Variants in CDK12 observed in about 807,000 individuals in gnomAD.
The protein encoded by CDK12 is cyclin dependent kinase 12, also known as cyclin-dependent kinase 12.
Under a neutral mutation model 133.8 loss-of-function variants are expected in CDK12, and 17 were observed. The ratio of observed to expected loss-of-function variants is 0.13; its 90% CI spans 0.09 to 0.19. The LOEUF (loss-of-function observed/expected upper bound fraction) is 0.19, where lower values mean the gene tolerates loss of function less well. Ranked by LOEUF, CDK12 falls within the 10% of genes least tolerant of loss-of-function variation. CDK12 has a pLI of 1.00. For missense variants in CDK12, 1,508 were observed against 1,818.7 expected (o/e 0.83, Z 3.11); for synonymous variants, 694 against 683.6 (o/e 1.02, Z -0.24).
intron 1 of CDK12, among the ~76,000 whole-genome samples, chr17:39,540,088 T>C (rs932803566): frequency 4.6e-5 from 7 of 152,198 alleles, no homozygotes; most frequent in African/African-American, 1.7e-4. Flanking sequence ...TAAAATATTA[T>C]TGTTCTTGCC....
At chr17:39,563,108 C>T (rs1240641614) in intron 3 of CDK12, among the ~76,000 whole-genome samples, 1 of 152,018 alleles carries the variant, frequency 6.6e-6, no homozygotes, top group African/African-American at 2.4e-5. Context: ...GCTTGATGAA[C>T]ATTGCGGTAA....
At chr17:39,490,804 TC>T in intron 3 of CDK12, 71 bp downstream of exon 3, 1 of 1,196,110 alleles carries the variant, frequency 8.4e-7, no homozygotes, top group Non-Finnish European at 1.2e-6. Flanking sequence ...CTCTCATGTT[TC>T]TTCTATAACC....
chr17:39,487,562 T>C (rs894264932), intron 2 of CDK12, among the ~76,000 whole-genome samples: 4 of 151,946 alleles, frequency 2.6e-5, no homozygotes, highest in Non-Finnish European at 4.4e-5. Context: ...AGTTAGTCTG[T>C]TGTACTATAG....
chr17:39,469,747 C>T (rs2049640808), intron 1 of CDK12, among the ~76,000 whole-genome samples: 1 of 151,282 alleles, frequency 6.6e-6, no homozygotes, highest in Admixed American at 6.6e-5. Flanking sequence ...AAGCGATTCT[C>T]CTGCCTCAGC....
downstream of CDK12, chr17:39,564,925 G>A (rs1288873767): frequency 6.6e-6 from 1 of 152,222 alleles, no homozygotes; most frequent in Non-Finnish European, 1.5e-5. Context: ...GTAGAGAGGG[G>A]AAACAAAATA....
intron 1 of CDK12, among the ~76,000 whole-genome samples, chr17:39,466,478 G>T (rs1164157349): frequency 6.6e-6 from 1 of 151,146 alleles, no homozygotes; most frequent in East Asian, 1.9e-4. Flanking sequence ...GCTGGGCGTG[G>T]TGTCACATGC....
chr17:39,526,436 G>C (rs2146728447), intron 13 of CDK12, 120 bp downstream of exon 13: 1 of 708,998 alleles, frequency 1.4e-6, no homozygotes, highest in East Asian at 2.7e-5. Flanking sequence ...CTGTAACCTA[G>C]TCTACAGGAG....
At chr17:39,463,145 T>C (rs779215370) in intron 1 of CDK12, 28 bp downstream of exon 1, 1 of 1,585,956 alleles carries the variant, frequency 6.3e-7, no homozygotes, top group South Asian at 1.1e-5. Context: ...CAGTCCTTCC[T>C]CATTTAGGGT....
At chr17:39,510,099 G>C (rs1387433115) in intron 7 of CDK12, among the ~76,000 whole-genome samples, 3 of 150,668 alleles carry the variant, frequency 2.0e-5, no homozygotes, top group Non-Finnish European at 4.4e-5. Context: ...ACCGCACCTG[G>C]GCAACAATCT....
At position 39,471,594 on chromosome 17, in the gene CDK12, A is replaced by G. The variant is rs753540202; in HGVS notation, c.1762A>G (p.Thr588Ala). 4 of 1,613,954 alleles carry G rather than the reference A, an allele frequency of 2.5e-6. No homozygotes were observed. The highest frequency in any genetic ancestry group is 2.2e-5 in the South Asian group (2 of 91,066). Residue 588 changes from threonine to alanine, a missense_variant, in exon 2 of 14, where the codon ACT becomes GCT. By Grantham distance (58) the Thr-to-Ala change is moderately conservative. Transcript: ENST00000447079. ...CAGTACTTCAACTTTGCCCCCTTCT[A>G]CTCACTCAAAGACATCTGCTGTGTC... ...ASSTSTLPPSTHSKTSAVSSQ... is the reference protein window; with the variant it reads ...ASSTSTLPPSAHSKTSAVSSQ...
At chr17:39,530,013 C>T (rs1169853246) in intron 13 of CDK12, 1 of 152,048 alleles carries the variant, frequency 6.6e-6, no homozygotes, top group Admixed American at 6.5e-5. Context: ...TTTGGGGAGA[C>T]GTGACTAAAG....
At chr17:39,523,117 A>G (rs1324216541) in intron 11 of CDK12, among the ~76,000 whole-genome samples, 2 of 152,150 alleles carry the variant, frequency 1.3e-5, no homozygotes, top group African/African-American at 4.8e-5. Context: ...TTAAAATCTT[A>G]TGAATGCCTC....
At position 39,526,440 on chromosome 17, in the gene CDK12, A is replaced by G. The variant is rs534194103; in HGVS notation, c.3760+124A>G. 842 of 696,150 alleles carry G rather than the reference A, an allele frequency of 1.2e-3. 1 individual carries two copies. Among genetic ancestry groups the G allele is most frequent in the Non-Finnish European group, 1.9e-3 (790 of 423,182 alleles). 43.1% of individuals were successfully genotyped at this position (696,150 alleles called of 1,614,324 possible). A position where few individuals can be genotyped will look rare whatever the true frequency, so the allele number is the denominator to read the frequency against. On this transcript the variant is annotated intron_variant, in intron 13 of 13. Transcript: ENST00000447079. ...TTTCAGTTATTCTGTAACCTAGTCT[A>G]CAGGAGAACATAGCACCAAGTAATG...
chr17:39,472,737 C>T (rs60403655), intron 2 of CDK12, among the ~76,000 whole-genome samples: 15,866 of 152,026 alleles, frequency 0.1, 897 homozygotes, highest in African/African-American at 0.15. Flanking sequence ...CTTCATCACC[C>T]TGAAAAATTT....
chr17:39,487,052 GATA>G (rs1417138117), intron 2 of CDK12, among the ~76,000 whole-genome samples: 2 of 152,114 alleles, frequency 1.3e-5, no homozygotes, highest in African/African-American at 4.8e-5. Flanking sequence ...AGAGTTTTCT[GATA>G]ATAAGTTTTG....
chr17:39,524,353 A>G (rs967464914), intron 11 of CDK12, among the ~76,000 whole-genome samples: 1 of 152,228 alleles, frequency 6.6e-6, no homozygotes, highest in Admixed American at 6.5e-5. Context: ...AACTTGACCA[A>G]TACTGTTCTC....
In CDK12 at chr17:39,462,482, C is replaced by T. The variant is rs1453295028; in HGVS notation, c.411C>T (p.Ser137=). Residue 137 remains serine (S), a synonymous_variant, in exon 1 of 14, where the codon TCC becomes TCT. Coordinates refer to ENST00000447079, the MANE Select transcript of CDK12 (RefSeq NM_016507.4). ...QTEKEKSQEV[S]SKSGSMKDRI... ...AAAAAGAAAAAAGCCAAGAAGTCTCCAGCAAGTCGGGATCGATGAAGGACC... is the reference window on the plus strand; with the variant it reads ...AAAAAGAAAAAAGCCAAGAAGTCTCTAGCAAGTCGGGATCGATGAAGGACC... 3 of 1,613,942 alleles carry T rather than the reference C, an allele frequency of 1.9e-6. No individual in the cohort carries two copies. Among genetic ancestry groups the T allele is most frequent in the Non-Finnish European group, 2.5e-6 (3 of 1,180,028 alleles).
intron 2 of CDK12, among the ~76,000 whole-genome samples, chr17:39,478,024 C>A (rs929409151): frequency 1.3e-5 from 2 of 149,392 alleles, no homozygotes; most frequent in African/African-American, 2.5e-5. Context: ...TATTTTTAAA[C>A]ATGATTTTTT....
rs180737740 is a variant in CDK12 at position 39,525,389 on chromosome 17, G to A, written c.3308-475G>A. Among the ~76,000 whole-genome samples the A allele has an allele frequency of 5.3e-5, 8 of 152,212 alleles. No individual in the cohort carries two copies. The East Asian group carries it at 1.2e-3, about 22-fold the overall frequency. ...TCCTGTGTTATGACCAATTCTTCGG[G>A]ACAAAAGATACTCTTTTTCTGGTTC... On this transcript the variant is annotated intron_variant, in intron 12 of 13. Transcript: ENST00000447079.
Sources: allele counts gnomAD v4.1 joint callset (sites outside exome capture counted in the v4.1 genomes callset), GRCh38; gene constraint gnomAD v4.1.1; transcripts MANE v1.5; gene names NCBI Gene and HGNC (gene_info 2026-07-23, HGNC 2026-07-21).